The following GAGE1 variants were observed in gnomAD, a reference collection of about 807,000 sequenced individuals.
GAGE1 encodes the protein G antigen 4.
A neutral mutation model predicts 5.0 loss-of-function variants in GAGE1; 5 were observed. The observed-to-expected ratio is 1.00, with a 90% CI of 0.52 to 2.11. The LOEUF (loss-of-function observed/expected upper bound fraction) is 2.11. GAGE1 is among the 30% of genes most tolerant of loss of function. The pLI is 0.01. For missense variants in GAGE1, 9 were observed against 38.9 expected, an observed-to-expected ratio of 0.23 and a Z score of 2.04; for synonymous variants, 6 against 14.8, an observed-to-expected ratio of 0.40 and a Z score of 1.37.
intron 4 of GAGE1, among the ~76,000 whole-genome samples, chrX:49,604,242 G>T (rs1219695344): frequency 1.8e-5 from 2 of 112,506 alleles, no homozygotes; most frequent in Non-Finnish European, 3.8e-5. Flanking sequence ...TGTAGTTCAG[G>T]CCCCAGCACC....
chrX:49,604,023 T>C (rs1222155198), intron 4 of GAGE1, among the ~76,000 whole-genome samples: 9 of 112,717 alleles, frequency 8.0e-5, no homozygotes, highest in African/African-American at 1.9e-4. Flanking sequence ...CAGCTAATTG[T>C]TGTATTTTTA....
rs1348636263 is a variant in GAGE1 at position 49,606,332 on chromosome X, A to G, written c.*317A>G. The G allele has an allele frequency of 7.4e-6, 1 of 134,569 alleles. No individual in the cohort carries two copies. Among genetic ancestry groups the G allele is most frequent in the African/African-American group, 3.1e-5 (1 of 31,794 alleles). The allele number at this position is 134,569 out of a possible 1,213,427, so 11.1% of individuals were successfully genotyped here. Reference sequence around the variant, plus strand: ...CTACAGAATCATATCATTTTTGAATAAGAACAATTTTGTTTCTGCCTTTTT... The same window carrying G: ...CTACAGAATCATATCATTTTTGAATGAGAACAATTTTGTTTCTGCCTTTTT... On this transcript the variant is annotated 3_prime_UTR_variant, in exon 5 of 5. Coordinates refer to ENST00000381700, the MANE Select transcript of GAGE1 (RefSeq NM_001040663.4).
In GAGE1 at chrX:49,602,501, C is replaced by G. The variant is rs1472317435; in HGVS notation, c.206-1167C>G. Among the ~76,000 whole-genome samples, 60 of 71,020 alleles carry G rather than the reference C, an allele frequency of 8.4e-4. 1 individual carries two copies. Among genetic ancestry groups the G allele is most frequent in the Middle Eastern group, 8.8e-3 (1 of 113 alleles). 61.7% of individuals were successfully genotyped at this position (71,020 alleles called of 115,157 possible). On this transcript the variant is annotated intron_variant, in intron 3 of 4. Transcript: ENST00000381700. ...ATCTGGATTCACCAATTGTTAGTAG[C>G]TTTCGCTTCATAGGTTTCACATCTC...
intron 4 of GAGE1, chrX:49,605,114 C>T (rs1159570391): frequency 1.4e-5 from 14 of 1,005,917 alleles, no homozygotes; most frequent in Admixed American, 2.5e-5. Context: ...TGGCAAGAGA[C>T]CGTTTAGTTC....
chrX:49,605,508 C>G (rs782718561), intron 4 of GAGE1, among the ~76,000 whole-genome samples: 98 of 112,053 alleles, frequency 8.7e-4, no homozygotes, highest in African/African-American at 3.1e-3. Flanking sequence ...AAGTGTATTC[C>G]GAGATTCAAT....
In GAGE1 at chrX:49,607,803, C is replaced by A. The variant is rs1440986346; in HGVS notation, c.*1788C>A. 9.0e-5 allele frequency: 10 copies of A among 111,371 alleles called. No homozygotes were observed. Among genetic ancestry groups the A allele is most frequent in the African/African-American group, 1.6e-4 (5 of 30,623 alleles). The allele number at this position is 111,371 out of a possible 1,213,427, so 9.2% of individuals were successfully genotyped here. On this transcript the variant is annotated 3_prime_UTR_variant, in exon 5 of 5. Transcript: ENST00000381700. ...GATCTGTGTATAATTATGACAATGG[C>A]TCCATTTATTTTTAAAATAAGAGGA... is the stretch of plus-strand genomic sequence containing the variant.
chrX:49,602,691 A>T (rs781845304), intron 3 of GAGE1, among the ~76,000 whole-genome samples: 234 of 92,513 alleles, frequency 2.5e-3, no homozygotes, highest in African/African-American at 7.7e-3. Context: ...CAGAACAAAG[A>T]GAAAGTCATT....
At chrX:49,605,946 A>ATAC (rs2066656373) in intron 4 of GAGE1, 47 bp from the exon 5 acceptor site, 1 of 804,840 alleles carries the variant, frequency 1.2e-6, no homozygotes, top group African/African-American at 2.2e-5. Flanking sequence ...AATAATAATA[A>ATAC]TAATCTGTTG....
intron 4 of GAGE1, among the ~76,000 whole-genome samples, chrX:49,604,132 C>T (rs1458249433): frequency 2.7e-5 from 3 of 112,613 alleles, no homozygotes; most frequent in African/African-American, 6.4e-5. Context: ...GGATTACAGG[C>T]GAGAGCCACT....
intron 3 of GAGE1, among the ~76,000 whole-genome samples, chrX:49,602,136 C>T (rs1310032558): frequency 9.8e-5 from 11 of 111,788 alleles, no homozygotes; most frequent in African/African-American, 3.6e-4. Flanking sequence ...CACAGTGAGA[C>T]CTCATCGCTA....
chrX:49,605,453 T>C (rs1557132022), intron 4 of GAGE1, among the ~76,000 whole-genome samples: 11 of 112,381 alleles, frequency 9.8e-5, no homozygotes. Context: ...AAGCACTTGA[T>C]GTTTAGGGAA....
chrX:49,604,377 T>C (rs1405615970), intron 4 of GAGE1, among the ~76,000 whole-genome samples: 1 of 112,410 alleles, frequency 8.9e-6, no homozygotes, highest in Non-Finnish European at 1.9e-5. Flanking sequence ...GGTCTGCTTT[T>C]AATCAATACA....
At position 49,607,582 on chromosome X, in the gene GAGE1, C is replaced by A. The variant is rs1425602937; in HGVS notation, c.*1567C>A. The A allele has an allele frequency of 9.0e-6, 1 of 111,196 alleles. No individual in the cohort carries two copies. The highest frequency in any genetic ancestry group is 1.9e-5 in the Non-Finnish European group (1 of 53,070). 9.2% of individuals were successfully genotyped at this position (111,196 alleles called of 1,213,427 possible). On this transcript the variant is annotated 3_prime_UTR_variant, in exon 5 of 5. Transcript: ENST00000381700. Reference sequence around the variant, plus strand: ...ACTTAAACAGCAGTGACCAAACGGGCAGCTCCAGGTACCTATCCCCTCAAA... The same window carrying A: ...ACTTAAACAGCAGTGACCAAACGGGAAGCTCCAGGTACCTATCCCCTCAAA...
intron 4 of GAGE1, chrX:49,604,983 T>G: frequency 1.1e-6 from 1 of 930,263 alleles, no homozygotes; most frequent in Non-Finnish European, 1.4e-6. Context: ...AAAATTTTTT[T>G]TTTCATTTTT....
At chrX:49,604,971 G>A (rs1557131863) in intron 4 of GAGE1, 1 of 840,830 alleles carries the variant, frequency 1.2e-6, no homozygotes, top group Non-Finnish European at 1.6e-6. Flanking sequence ...ACGTACCTGA[G>A]TAAAATTTTT....
At chrX:49,602,623 G>A (rs1284239037) in intron 3 of GAGE1, among the ~76,000 whole-genome samples, 12 of 89,954 alleles carry the variant, frequency 1.3e-4, no homozygotes, top group Admixed American at 9.8e-4. Flanking sequence ...GAATTGTTTC[G>A]ATAAAGTTTC....
In GAGE1 at chrX:49,606,572, C is replaced by G. The variant is rs2066661070; in HGVS notation, c.*557C>G. On this transcript the variant is annotated 3_prime_UTR_variant, in exon 5 of 5. Transcript: ENST00000381700. ...TGGCATTGAGCAGATCTACCGGATACAATTGTGATAGTGGAAATTTTTGTG... is the reference window on the plus strand; with the variant it reads ...TGGCATTGAGCAGATCTACCGGATAGAATTGTGATAGTGGAAATTTTTGTG... 1 of 112,080 alleles carries G rather than the reference C, an allele frequency of 8.9e-6. No individual in the cohort carries two copies. Among genetic ancestry groups the G allele is most frequent in the Non-Finnish European group, 1.9e-5 (1 of 53,272 alleles). 9.2% of individuals were successfully genotyped at this position (112,080 alleles called of 1,213,427 possible). A position where few individuals can be genotyped will look rare whatever the true frequency, so the allele number is the denominator to read the frequency against.
intron 4 of GAGE1, 90 bp from the exon 5 acceptor site, chrX:49,605,903 A>C: frequency 4.6e-6 from 2 of 431,130 alleles, no homozygotes; most frequent in Non-Finnish European, 6.1e-6. Context: ...GTGAGACTCC[A>C]TCTAAAATAA....
At position 49,607,485 on chromosome X, in the gene GAGE1, G is replaced by T. The variant is rs989213641; in HGVS notation, c.*1470G>T. On this transcript the variant is annotated 3_prime_UTR_variant, in exon 5 of 5. Coordinates refer to ENST00000381700, the MANE Select transcript of GAGE1 (RefSeq NM_001040663.4). ...TCACTGGAACTCAAGTCTCCTCAAG[G>T]CTGTGAGTAATGCAGGGCTAGGCTT... 1.8e-5 allele frequency: 2 copies of T among 111,125 alleles called. No individual in the cohort carries two copies. Among genetic ancestry groups the T allele is most frequent in the Non-Finnish European group, 3.8e-5 (2 of 53,067 alleles). The allele number at this position is 111,125 out of a possible 1,213,427, so 9.2% of individuals were successfully genotyped here.
Sources: gnomAD v4.1 joint callset for allele counts (sites outside exome capture counted in the v4.1 genomes callset) on GRCh38, gnomAD v4.1.1 for gene constraint, MANE v1.5 for transcripts, NCBI Gene and HGNC (gene_info 2026-07-23, HGNC 2026-07-21) for gene names.